The following CSMD1 variants were observed in gnomAD, a reference collection of about 807,000 sequenced individuals.
CSMD1 encodes CUB and sushi domain-containing protein 1.
CSMD1 carries 213 observed loss-of-function variants against 417.5 expected under a neutral mutation model. That is an observed-to-expected ratio of 0.51 (90% confidence interval 0.46 to 0.57). CSMD1 has a LOEUF of 0.57. Ranked by LOEUF, CSMD1 falls within the 20% of genes least tolerant of loss-of-function variation. The pLI, the probability that CSMD1 is intolerant of heterozygous loss-of-function variation, is 0.00. For synonymous variants in CSMD1, 2,862 were observed against 1,736.8 expected, an observed-to-expected ratio of 1.65 and a Z score of -16.11; for missense variants, 6,923 against 4,529.7, an observed-to-expected ratio of 1.53 and a Z score of -15.17.
intron 5 of CSMD1, among the ~76,000 whole-genome samples, chr8:3,898,216 C>T (rs140029524): frequency 6.6e-6 from 1 of 152,162 alleles, no homozygotes; most frequent in Non-Finnish European, 1.5e-5. Flanking sequence ...GGAAAATTCC[C>T]CTACATATTG....
chr8:4,307,297 T>G (rs763361648), intron 3 of CSMD1, among the ~76,000 whole-genome samples: 16 of 152,040 alleles, frequency 1.1e-4, no homozygotes, highest in Non-Finnish European at 1.5e-4. Context: ...TATATATTAA[T>G]CCCCTAGCAC....
At chr8:4,377,795 G>A (rs753758783) in intron 3 of CSMD1, among the ~76,000 whole-genome samples, 2 of 152,136 alleles carry the variant, frequency 1.3e-5, no homozygotes, top group African/African-American at 2.4e-5. Flanking sequence ...AAATATCCAA[G>A]CGTTGTACAA....
intron 20 of CSMD1, among the ~76,000 whole-genome samples, chr8:3,360,359 G>A (rs1003399203): frequency 1.3e-5 from 2 of 152,210 alleles, no homozygotes; most frequent in Non-Finnish European, 2.9e-5. Flanking sequence ...AACTCCTTCT[G>A]ATCTCCGTAG....
intron 14 of CSMD1, among the ~76,000 whole-genome samples, chr8:3,406,718 T>C (rs1812363593): frequency 6.6e-6 from 1 of 152,248 alleles, no homozygotes; most frequent in Admixed American, 6.5e-5. Flanking sequence ...ATTCTAAGTA[T>C]TCTGCCTAAG....
At chr8:4,144,706 G>C (rs991894954) in intron 3 of CSMD1, among the ~76,000 whole-genome samples, 5 of 151,084 alleles carry the variant, frequency 3.3e-5, no homozygotes, top group African/African-American at 9.9e-5. Context: ...TCGGCAAAGA[G>C]TGGAGATTTC....
At chr8:3,217,411 G>A (rs1797942921) in intron 29 of CSMD1, among the ~76,000 whole-genome samples, 1 of 152,140 alleles carries the variant, frequency 6.6e-6, no homozygotes. Context: ...TCATTCGTTG[G>A]CCCATTTATT....
intron 5 of CSMD1, among the ~76,000 whole-genome samples, chr8:3,826,556 C>G (rs1000613680): frequency 6.6e-6 from 1 of 152,060 alleles, no homozygotes; most frequent in Non-Finnish European, 1.5e-5. Flanking sequence ...CTGATATGAG[C>G]GCCTCTCTCT....
At chr8:4,312,984 G>A (rs10095071) in intron 3 of CSMD1, among the ~76,000 whole-genome samples, 1 of 152,072 alleles carries the variant, frequency 6.6e-6, no homozygotes, top group Non-Finnish European at 1.5e-5. Flanking sequence ...GGTAAGTTTT[G>A]CGGGGAAATG....
At chr8:3,400,397 A>G (rs572300488) in intron 15 of CSMD1, among the ~76,000 whole-genome samples, 3 of 152,276 alleles carry the variant, frequency 2.0e-5, no homozygotes, top group East Asian at 3.9e-4. Context: ...TATTTATTTT[A>G]TTTAAAAATG....
intron 8 of CSMD1, among the ~76,000 whole-genome samples, chr8:3,591,925 AC>A (rs1429024759): frequency 6.6e-6 from 1 of 152,148 alleles, no homozygotes; most frequent in Non-Finnish European, 1.5e-5. Flanking sequence ...TTAGACAGAT[AC>A]ATAGATGGAT....
At chr8:4,455,364 G>A (rs1465750056) in intron 2 of CSMD1, among the ~76,000 whole-genome samples, 1 of 152,122 alleles carries the variant, frequency 6.6e-6, no homozygotes, top group Non-Finnish European at 1.5e-5. Flanking sequence ...CCCAGAAGCT[G>A]GAAAACTGGT....
intron 2 of CSMD1, among the ~76,000 whole-genome samples, chr8:4,547,590 G>A (rs1797691622): frequency 6.6e-6 from 1 of 152,072 alleles, no homozygotes; most frequent in African/African-American, 2.4e-5. Flanking sequence ...CTCAAGTAAT[G>A]CCTGTGTCAT....
At chr8:4,944,310 G>C (rs952500462) in intron 1 of CSMD1, among the ~76,000 whole-genome samples, 2 of 152,190 alleles carry the variant, frequency 1.3e-5, no homozygotes, top group African/African-American at 4.8e-5. Flanking sequence ...AAAGTTTACA[G>C]AGCAGACCAA....
At chr8:4,327,057 C>A (rs1476191510) in intron 3 of CSMD1, among the ~76,000 whole-genome samples, 3 of 152,064 alleles carry the variant, frequency 2.0e-5, no homozygotes, top group African/African-American at 7.2e-5. Context: ...ACTCAGAAGA[C>A]GACTTCAAAT....
At chr8:3,689,816 A>G (rs1800142049) in intron 7 of CSMD1, among the ~76,000 whole-genome samples, 1 of 152,234 alleles carries the variant, frequency 6.6e-6, no homozygotes, top group Non-Finnish European at 1.5e-5. Flanking sequence ...TGGAGACACC[A>G]TGATTCCAAA....
chr8:3,123,471 C>T (rs1817322398), intron 41 of CSMD1, among the ~76,000 whole-genome samples: 3 of 152,216 alleles, frequency 2.0e-5, no homozygotes, highest in Admixed American at 1.3e-4. Flanking sequence ...ACTATCAACA[C>T]ATTTCCTTCT....
chr8:4,440,303 G>C (rs1161831318), intron 2 of CSMD1, among the ~76,000 whole-genome samples: 1 of 152,086 alleles, frequency 6.6e-6, no homozygotes, highest in East Asian at 1.9e-4. Flanking sequence ...CAGAAAAATG[G>C]AATCAGCTGG....
At chr8:3,308,892 T>G (rs1389028799) in intron 23 of CSMD1, among the ~76,000 whole-genome samples, 2 of 151,858 alleles carry the variant, frequency 1.3e-5, no homozygotes, top group East Asian at 1.9e-4. Flanking sequence ...TCCAGCTAAT[T>G]TTTTGTATTT....
intron 1 of CSMD1, among the ~76,000 whole-genome samples, chr8:4,842,233 C>T (rs1387915780): frequency 6.6e-6 from 1 of 152,166 alleles, no homozygotes; most frequent in Non-Finnish European, 1.5e-5. Flanking sequence ...TTAAGGGAAC[C>T]AGGGAAGTCA....
Sources: gnomAD v4.1 joint callset for allele counts (sites outside exome capture counted in the v4.1 genomes callset) on GRCh38, gnomAD v4.1.1 for gene constraint, MANE v1.5 for transcripts, NCBI Gene and HGNC (gene_info 2026-07-23, HGNC 2026-07-21) for gene names.